TFPI: variants seen among roughly 807,000 people sequenced by gnomAD.
The protein encoded by TFPI is anti-convertin.
TFPI carries 15 observed loss-of-function variants against 34.6 expected under a neutral mutation model. The observed-to-expected ratio is 0.43, with a 90% CI of 0.29 to 0.67. The LOEUF (loss-of-function observed/expected upper bound fraction) is 0.67. Among genes scored for constraint, TFPI ranks in the 30% least tolerant of loss-of-function variants. TFPI has a pLI of 0.15. For missense variants in TFPI, 301 were observed against 364.0 expected, an observed-to-expected ratio of 0.83 and a Z score of 1.41; for synonymous variants, 105 against 120.1, an observed-to-expected ratio of 0.87 and a Z score of 0.82.
At chr2:187,550,243 G>A (rs72489102) in intron 1 of TFPI, among the ~76,000 whole-genome samples, 40,966 of 152,042 alleles carry the variant, frequency 0.27, 6,805 homozygotes, top group Non-Finnish European at 0.38. Context: ...AAGACTGGGT[G>A]AAGCACCACC....
chr2:187,503,507 T>G, intron 2 of TFPI, 141 bp downstream of exon 2: 1 of 667,930 alleles, frequency 1.5e-6, no homozygotes, highest in Non-Finnish European at 2.3e-6. Flanking sequence ...ACACATACAT[T>G]AGGTATAATA....
rs777009915 is a variant in TFPI at position 187,503,745 on chromosome 2, T to A, written c.24A>T (p.Val8=). Residue 8 remains valine (V), a synonymous_variant, in exon 2 of 8, where the codon GTA becomes GTT. Transcript: ENST00000233156. MIYTMKK[V]HALWASVCLL... ...GGCATACAGAAGCCCAAAGTGCATGTACTTTCTTCATTGTGTAAATCATCT... is the reference window on the plus strand; with the variant it reads ...GGCATACAGAAGCCCAAAGTGCATGAACTTTCTTCATTGTGTAAATCATCT... 2 of 1,613,076 alleles carry A rather than the reference T, an allele frequency of 1.2e-6. No homozygotes were observed. The highest frequency in any genetic ancestry group is 1.7e-6 in the Non-Finnish European group (2 of 1,179,300).
rs769566808 is a variant in TFPI at position 187,484,837 on chromosome 2, T to C, written c.509A>G (p.Glu170Gly). The C allele has an allele frequency of 8.6e-5, 136 of 1,589,008 alleles. No individual in the cohort carries two copies. The highest frequency in any genetic ancestry group is 1.1e-4 in the Non-Finnish European group (130 of 1,171,564). ...GNMNNFETLE[E>G]CKNICEDGPN... ...ACCATCTTCACAAATGTTCTTGCAT[T>C]CTTCCAGTGTCTCAAAATTGTTCAT... is the stretch of plus-strand genomic sequence containing the variant. Residue 170 changes from glutamate to glycine, a missense_variant, in exon 5 of 8, where the codon GAA becomes GGA. Coordinates refer to ENST00000233156, the MANE Select transcript of TFPI (RefSeq NM_006287.6).
chr2:187,473,810 T>C (rs990303252), intron 6 of TFPI, among the ~76,000 whole-genome samples: 3 of 151,112 alleles, frequency 2.0e-5, no homozygotes, highest in Non-Finnish European at 4.4e-5. Flanking sequence ...AGCTTTTTTT[T>C]TTCCCCCCGC....
chr2:187,485,818 T>G (rs1693220073), intron 4 of TFPI, among the ~76,000 whole-genome samples: 1 of 151,750 alleles, frequency 6.6e-6, no homozygotes, highest in South Asian at 2.1e-4. Flanking sequence ...GTATTGGGCT[T>G]GAATTTTTAG....
At position 187,464,425 on chromosome 2, in the gene TFPI, A is replaced by G. The variant is rs988916694; in HGVS notation, c.*2511T>C. The G allele has an allele frequency of 1.1e-4, 16 of 152,328 alleles. No homozygotes were observed. Among genetic ancestry groups the G allele is most frequent in the Admixed American group, 5.9e-4 (9 of 15,294 alleles). 9.4% of individuals were successfully genotyped at this position (152,328 alleles called of 1,614,324 possible). A position where few individuals can be genotyped will look rare whatever the true frequency, so the allele number is the denominator to read the frequency against. ...TTAATTGTGGAAAATAAAGGAAGACAATAACATCAAGATCTTTTTCCAAAA... is the reference window on the plus strand; with the variant it reads ...TTAATTGTGGAAAATAAAGGAAGACGATAACATCAAGATCTTTTTCCAAAA... On this transcript the variant is annotated 3_prime_UTR_variant, in exon 8 of 8. Coordinates refer to ENST00000233156, the MANE Select transcript of TFPI (RefSeq NM_006287.6).
At chr2:187,550,066 GC>G (rs1335547850) in intron 1 of TFPI, among the ~76,000 whole-genome samples, 1 of 152,012 alleles carries the variant, frequency 6.6e-6, no homozygotes, top group Admixed American at 6.6e-5. Flanking sequence ...CAGTGGTCTC[GC>G]TGAGTTTGGG....
Position 187,497,036 on chromosome 2 carries a change from G to A in TFPI, c.164C>T (p.Ala55Val). 6.2e-7 allele frequency: 1 copy of A among 1,613,042 alleles called. No individual in the cohort carries two copies. The highest frequency in any genetic ancestry group is 1.1e-5 in the South Asian group (1 of 91,058). The change falls in exon 3 of 8, where the codon GCA (alanine) becomes GTA (valine). Residue 55 changes from alanine to valine, a missense_variant. Physicochemically the swap from Ala to Val is moderately conservative, Grantham distance 64 (BLOSUM62 0). Coordinates refer to ENST00000233156, the MANE Select transcript of TFPI (RefSeq NM_006287.6). ...ACATGGGCCATCATCCGCCTTGAAT[G>A]CACAAAATGAATGCATAAGTTTCAG... ...PPLKLMHSFC[A>V]FKADDGPCKA... is the part of the protein sequence containing the mutation.
chr2:187,516,796 C>G (rs141685691), intron 1 of TFPI: 2 of 152,132 alleles, frequency 1.3e-5, no homozygotes, highest in African/African-American at 4.8e-5. Flanking sequence ...AGATTCCAGA[C>G]GTTGTATGGA....
At position 187,491,575 on chromosome 2, in the gene TFPI, T is replaced by C. The variant is rs374809158; in HGVS notation, c.320-3200A>G. On this transcript the variant is annotated intron_variant, in intron 3 of 7. Coordinates refer to ENST00000233156, the MANE Select transcript of TFPI (RefSeq NM_006287.6). Reference sequence around the variant, plus strand: ...CATGGAGTATATGTGTATATATAAATATCACATTTTATTTACCCAATCATC... The same window carrying C: ...CATGGAGTATATGTGTATATATAAACATCACATTTTATTTACCCAATCATC... 1.3e-4 allele frequency among the ~76,000 whole-genome samples: 20 copies of C among 152,240 alleles called. No individual in the cohort carries two copies. The East Asian group carries it at 3.1e-3, about 23-fold the overall frequency.
chr2:187,467,435 T>C (rs894307771), intron 7 of TFPI, among the ~76,000 whole-genome samples: 13 of 152,102 alleles, frequency 8.5e-5, no homozygotes, highest in African/African-American at 1.9e-4. Flanking sequence ...TTAATAAATA[T>C]GTTAAAATTT....
At chr2:187,505,281 C>G (rs1311248137) in intron 1 of TFPI, among the ~76,000 whole-genome samples, 1 of 152,048 alleles carries the variant, frequency 6.6e-6, no homozygotes, top group African/African-American at 2.4e-5. Flanking sequence ...AGAGAGGGCT[C>G]TAAATTCAGC....
intron 1 of TFPI, among the ~76,000 whole-genome samples, chr2:187,541,862 A>G (rs988682539): frequency 6.6e-6 from 1 of 152,178 alleles, no homozygotes; most frequent in African/African-American, 2.4e-5. Flanking sequence ...CAGTTACACA[A>G]ACACTAGGGG....
chr2:187,521,830 G>A (rs1687392254), intron 1 of TFPI, among the ~76,000 whole-genome samples: 1 of 152,074 alleles, frequency 6.6e-6, no homozygotes, highest in African/African-American at 2.4e-5. Context: ...GCCTTCCAGA[G>A]TGCTGGGATT....
At chr2:187,472,734 A>G (rs1034441159) in intron 6 of TFPI, among the ~76,000 whole-genome samples, 2 of 152,192 alleles carry the variant, frequency 1.3e-5, no homozygotes, top group African/African-American at 4.8e-5. Context: ...AGACACGGCC[A>G]GGCGTGGTGG....
intron 4 of TFPI, among the ~76,000 whole-genome samples, chr2:187,487,467 T>C (rs1406760674): frequency 6.6e-6 from 1 of 151,440 alleles, no homozygotes; most frequent in African/African-American, 2.4e-5. Flanking sequence ...CTTTCCCACA[T>C]AAATAAATCA....
At chr2:187,525,051 T>C (rs995123443) in intron 1 of TFPI, among the ~76,000 whole-genome samples, 2 of 152,074 alleles carry the variant, frequency 1.3e-5, no homozygotes, top group African/African-American at 4.8e-5. Flanking sequence ...ATGTTCTGTA[T>C]TGAATCTACT....
chr2:187,541,529 G>T (rs1326262588), intron 1 of TFPI, among the ~76,000 whole-genome samples: 1 of 152,292 alleles, frequency 6.6e-6, no homozygotes, highest in East Asian at 1.9e-4. Context: ...GAAATAAAAA[G>T]CCCCATATGT....
At chr2:187,523,069 G>A (rs1687492922) in intron 1 of TFPI, among the ~76,000 whole-genome samples, 1 of 151,856 alleles carries the variant, frequency 6.6e-6, no homozygotes. Flanking sequence ...GTTTCACTGA[G>A]ATACAATCAC....
Sources: gnomAD v4.1 joint callset for allele counts (sites outside exome capture counted in the v4.1 genomes callset) on GRCh38, gnomAD v4.1.1 for gene constraint, MANE v1.5 for transcripts, NCBI Gene and HGNC (gene_info 2026-07-23, HGNC 2026-07-21) for gene names.